Variants in SEMA3C observed in about 807,000 individuals in gnomAD.
SEMA3C encodes semaphorin-3C.
In SEMA3C, 47 loss-of-function variants were observed where a neutral mutation model predicts 89.4. The ratio of observed to expected loss-of-function variants is 0.53; its 90% CI spans 0.42 to 0.67. SEMA3C has a LOEUF of 0.67. Among genes scored for constraint, SEMA3C ranks in the 30% least tolerant of loss-of-function variants. The pLI is 0.00. For missense variants in SEMA3C, 839 were observed against 929.1 expected, an observed-to-expected ratio of 0.90 and a Z score of 1.26; for synonymous variants, 310 against 320.2, an observed-to-expected ratio of 0.97 and a Z score of 0.34.
intron 2 of SEMA3C, among the ~76,000 whole-genome samples, chr7:80,874,781 T>G (rs547547330): frequency 1.3e-5 from 2 of 152,154 alleles, no homozygotes; most frequent in South Asian, 4.2e-4. Flanking sequence ...AGCAAGTTAT[T>G]TACTCTTCTC....
chr7:80,884,396 G>A (rs770908443), intron 2 of SEMA3C, among the ~76,000 whole-genome samples: 18 of 152,168 alleles, frequency 1.2e-4, no homozygotes, highest in Non-Finnish European at 2.6e-4. Flanking sequence ...CTACAAAAAT[G>A]TGAGACCCTC....
At chr7:80,751,820 T>C (rs762912038) in intron 15 of SEMA3C, among the ~76,000 whole-genome samples, 1 of 152,180 alleles carries the variant, frequency 6.6e-6, no homozygotes. Flanking sequence ...AAACAAGCAA[T>C]AGAGATAAAA....
chr7:80,838,839 C>A (rs543438064), intron 2 of SEMA3C, among the ~76,000 whole-genome samples: 6 of 152,288 alleles, frequency 3.9e-5, no homozygotes, highest in African/African-American at 1.4e-4. Flanking sequence ...CCCCATGATC[C>A]AATTACCTCC....
At chr7:80,813,128 T>C (rs1276823915) in intron 5 of SEMA3C, among the ~76,000 whole-genome samples, 1 of 152,046 alleles carries the variant, frequency 6.6e-6, no homozygotes, top group African/African-American at 2.4e-5. Context: ...TTAATTTCAA[T>C]AAATTTTTTA....
intron 10 of SEMA3C, among the ~76,000 whole-genome samples, chr7:80,798,779 C>A (rs1395394453): frequency 6.6e-6 from 1 of 151,806 alleles, no homozygotes; most frequent in African/African-American, 2.4e-5. Flanking sequence ...AAATAGGGGC[C>A]CAAAAAAAAT....
At chr7:80,846,277 C>T (rs1790387607) in intron 2 of SEMA3C, among the ~76,000 whole-genome samples, 1 of 152,090 alleles carries the variant, frequency 6.6e-6, no homozygotes, top group Non-Finnish European at 1.5e-5. Flanking sequence ...GTTTGGAAAA[C>T]ATCATGCTAT....
At chr7:80,888,666 C>T (rs1004464990) in intron 2 of SEMA3C, among the ~76,000 whole-genome samples, 2 of 151,980 alleles carry the variant, frequency 1.3e-5, no homozygotes, top group South Asian at 2.1e-4. Flanking sequence ...TATGTCATTA[C>T]TTCTGTTTGT....
At chr7:80,773,822 T>C (rs1242698012) in intron 12 of SEMA3C, among the ~76,000 whole-genome samples, 5 of 152,150 alleles carry the variant, frequency 3.3e-5, no homozygotes, top group African/African-American at 1.2e-4. Flanking sequence ...CTGGGCTATA[T>C]ATGCAGGATG....
intron 2 of SEMA3C, among the ~76,000 whole-genome samples, chr7:80,896,940 C>G (rs1791752240): frequency 6.6e-6 from 1 of 152,114 alleles, no homozygotes; most frequent in Non-Finnish European, 1.5e-5. Context: ...GTCTCGTGTT[C>G]CGATCTCAAA....
chr7:80,846,554 C>T (rs1463696695), intron 2 of SEMA3C, among the ~76,000 whole-genome samples: 5 of 152,048 alleles, frequency 3.3e-5, no homozygotes, highest in African/African-American at 1.2e-4. Flanking sequence ...TGGTCTAGAA[C>T]TCTTGGCCTC....
chr7:80,837,985 C>G (rs10487877), intron 2 of SEMA3C, among the ~76,000 whole-genome samples: 6,774 of 152,082 alleles, frequency 0.045, 228 homozygotes, highest in South Asian at 0.08. Context: ...TTTGTTCATT[C>G]ACATTCTACC....
intron 12 of SEMA3C, among the ~76,000 whole-genome samples, chr7:80,784,115 A>G (rs1475770720): frequency 1.3e-5 from 2 of 152,158 alleles, no homozygotes; most frequent in Non-Finnish European, 2.9e-5. Flanking sequence ...TCATAACTCC[A>G]GAAGCAAAAG....
intron 2 of SEMA3C, among the ~76,000 whole-genome samples, chr7:80,882,412 C>CTTTTTTTTTTT (rs763742493): frequency 2.1e-5 from 1 of 46,652 alleles, no homozygotes; most frequent in African/African-American, 9.3e-5. Flanking sequence ...GTAAGGGATG[C>CTTTTTTTTTTT]TTTTTTTTTT....
chr7:80,860,807 T>C (rs920002144), intron 2 of SEMA3C, among the ~76,000 whole-genome samples: 5 of 152,182 alleles, frequency 3.3e-5, no homozygotes, highest in African/African-American at 1.2e-4. Context: ...TTTCATAGGA[T>C]ACCATAAAGA....
intron 2 of SEMA3C, among the ~76,000 whole-genome samples, chr7:80,841,346 T>A (rs1480525054): frequency 6.6e-6 from 1 of 152,184 alleles, no homozygotes; most frequent in Non-Finnish European, 1.5e-5. Context: ...GAAAAAAGTC[T>A]TGACAAAAAT....
chr7:80,835,289 C>T (rs1790100013), intron 2 of SEMA3C, among the ~76,000 whole-genome samples: 2 of 152,094 alleles, frequency 1.3e-5, no homozygotes, highest in African/African-American at 2.4e-5. Flanking sequence ...AACGAAGATA[C>T]CATGTCCTAA....
intron 14 of SEMA3C, among the ~76,000 whole-genome samples, chr7:80,760,401 A>G (rs1189977037): frequency 6.6e-6 from 1 of 152,212 alleles, no homozygotes; most frequent in African/African-American, 2.4e-5. Context: ...GCTGACTTCA[A>G]AGACAATCCT....
chr7:80,869,644 T>G (rs553718349), intron 2 of SEMA3C, among the ~76,000 whole-genome samples: 1 of 152,264 alleles, frequency 6.6e-6, no homozygotes, highest in East Asian at 1.9e-4. Flanking sequence ...TAAAATAGCT[T>G]TTTGATTAAC....
intron 9 of SEMA3C, 137 bp downstream of exon 9, chr7:80,802,528 T>C: frequency 1.8e-6 from 1 of 564,246 alleles, no homozygotes; most frequent in Non-Finnish European, 3.1e-6. Context: ...ATGAACAGTA[T>C]CTAGATAATT....
Sources: allele counts gnomAD v4.1 joint callset (sites outside exome capture counted in the v4.1 genomes callset), GRCh38; gene constraint gnomAD v4.1.1; transcripts MANE v1.5; gene names NCBI Gene and HGNC (gene_info 2026-07-23, HGNC 2026-07-21).